Variants in SLC6A11 observed in about 807,000 individuals in gnomAD.
The protein encoded by SLC6A11 is solute carrier family 6 member 11, also known as sodium- and chloride-dependent GABA transporter 3.
Under a neutral mutation model 74.8 loss-of-function variants are expected in SLC6A11, and 25 were observed. The observed-to-expected ratio is 0.33, with a 90% CI of 0.24 to 0.47. The LOEUF (loss-of-function observed/expected upper bound fraction) is 0.47, where lower values mean the gene tolerates loss of function less well. Among genes scored for constraint, SLC6A11 ranks in the 20% least tolerant of loss-of-function variants. SLC6A11 has a pLI of 1.00. For missense variants in SLC6A11, 574 were observed against 837.0 expected (o/e 0.69, Z 3.88); for synonymous variants, 330 against 330.2 (o/e 1.00, Z 0.01).
Position 10,908,157 on chromosome 3 carries a change from T to C in SLC6A11, c.892-3933T>C, listed in dbSNP as rs1267053963. ...TTCAGTCAATCAGTAAAGGCTATTA[T>C]GTGATGGTTGTATGTTCTGATAATC... is the stretch of plus-strand genomic sequence containing the variant. On this transcript the variant is annotated intron_variant, in intron 6 of 13. Transcript: ENST00000254488. Among the ~76,000 whole-genome samples the C allele has an allele frequency of 2.6e-5, 4 of 152,202 alleles. No homozygotes were observed. The East Asian group carries it at 7.7e-4, about 29-fold the overall frequency.
intron 10 of SLC6A11, among the ~76,000 whole-genome samples, chr3:10,930,800 T>A (rs914737822): frequency 6.6e-6 from 1 of 152,120 alleles, no homozygotes; most frequent in African/African-American, 2.4e-5. Flanking sequence ...ACCCAACCTC[T>A]GACTGAGGCC....
At chr3:10,924,566 C>G (rs923374872) in intron 8 of SLC6A11, among the ~76,000 whole-genome samples, 14 of 152,122 alleles carry the variant, frequency 9.2e-5, no homozygotes, top group African/African-American at 3.4e-4. Context: ...AAGCCACAGA[C>G]TGGGAGAAAA....
chr3:10,845,849 G>C (rs989796338), intron 5 of SLC6A11, among the ~76,000 whole-genome samples: 1 of 152,136 alleles, frequency 6.6e-6, no homozygotes, highest in South Asian at 2.1e-4. Flanking sequence ...ATAAAATTGT[G>C]TCATTATTGA....
At chr3:10,889,269 A>T (rs149740589) in intron 6 of SLC6A11, among the ~76,000 whole-genome samples, 3 of 152,080 alleles carry the variant, frequency 2.0e-5, no homozygotes, top group African/African-American at 7.2e-5. Context: ...ATATTGATTT[A>T]TTATTATTAA....
At chr3:10,897,169 C>T (rs544469797) in intron 6 of SLC6A11, among the ~76,000 whole-genome samples, 2 of 152,298 alleles carry the variant, frequency 1.3e-5, no homozygotes, top group African/African-American at 2.4e-5. Flanking sequence ...TCCTATAACA[C>T]GTAGGAATTA....
chr3:10,874,681 C>A (rs991242157), intron 5 of SLC6A11, among the ~76,000 whole-genome samples: 9 of 152,152 alleles, frequency 5.9e-5, no homozygotes, highest in African/African-American at 1.2e-4. Context: ...CCATTTCCCC[C>A]CTCCCAGTTC....
Position 10,940,345 on chromosome 3 carries a change from C to CACACCAACTCTCACGGATG in SLC6A11, c.*1943_*1944insACACCAACTCTCACGGATG, listed in dbSNP as rs1695810123. 2.0e-5 allele frequency: 3 copies of CACACCAACTCTCACGGATG among 152,068 alleles called. No homozygotes were observed. Among genetic ancestry groups the CACACCAACTCTCACGGATG allele is most frequent in the Admixed American group, 2.0e-4 (3 of 15,278 alleles). The allele number at this position is 152,068 out of a possible 1,614,324, so 9.4% of individuals were successfully genotyped here. ...TCCCATTGCTGCTGCTACCGGTTCTCCACAGATCCCTGTGGTCCGCCATCG... is the reference window on the plus strand; with the variant it reads ...TCCCATTGCTGCTGCTACCGGTTCTCACACCAACTCTCACGGATGCACAGATCCCTGTGGTCCGCCATCG... On this transcript the variant is annotated 3_prime_UTR_variant, in exon 14 of 14. Coordinates refer to ENST00000254488, the MANE Select transcript of SLC6A11 (RefSeq NM_014229.3).
In SLC6A11 at chr3:10,929,356, G is replaced by A. The variant is rs1213045085; in HGVS notation, c.1371+17G>A. On this transcript the variant is annotated intron_variant, in intron 10 of 13. Coordinates refer to ENST00000254488, the MANE Select transcript of SLC6A11 (RefSeq NM_014229.3). ...TTAACAGAGGTGAGTGGCATGGTTCGGGCCGCACGGGGTGAAGTGGGTGTG... is the reference window on the plus strand; with the variant it reads ...TTAACAGAGGTGAGTGGCATGGTTCAGGCCGCACGGGGTGAAGTGGGTGTG... 9.9e-6 allele frequency: 16 copies of A among 1,612,524 alleles called. No individual in the cohort carries two copies. The highest frequency in any genetic ancestry group is 3.3e-5 in the Admixed American group (2 of 59,882).
At chr3:10,931,221 C>T (rs1047649779) in intron 10 of SLC6A11, among the ~76,000 whole-genome samples, 2 of 152,164 alleles carry the variant, frequency 1.3e-5, no homozygotes, top group Non-Finnish European at 2.9e-5. Context: ...CTCAGTTTCC[C>T]CATGTGAACA....
intron 5 of SLC6A11, among the ~76,000 whole-genome samples, chr3:10,868,692 T>C (rs1054943133): frequency 3.3e-5 from 5 of 152,224 alleles, no homozygotes; most frequent in African/African-American, 9.6e-5. Context: ...CCAGGCTTGA[T>C]GGTACCTTGT....
intron 13 of SLC6A11, among the ~76,000 whole-genome samples, chr3:10,937,459 C>T (rs911991317): frequency 6.6e-6 from 1 of 152,224 alleles, no homozygotes; most frequent in Non-Finnish European, 1.5e-5. Flanking sequence ...CATGGAACCT[C>T]GATCCTGAGA....
At chr3:10,844,419 C>T in intron 5 of SLC6A11, 73 bp downstream of exon 5, 1 of 1,582,786 alleles carries the variant, frequency 6.3e-7, no homozygotes, top group Non-Finnish European at 8.7e-7. Context: ...TAGAGAGTAA[C>T]AGGGAGTTCA....
chr3:10,872,788 G>C (rs1033563388), intron 5 of SLC6A11, among the ~76,000 whole-genome samples: 10 of 152,204 alleles, frequency 6.6e-5, no homozygotes, highest in African/African-American at 2.2e-4. Context: ...TTGAACAGGA[G>C]CGAGAGGCTA....
intron 6 of SLC6A11, among the ~76,000 whole-genome samples, chr3:10,881,945 G>C (rs948657959): frequency 6.6e-6 from 1 of 152,182 alleles, no homozygotes; most frequent in Non-Finnish European, 1.5e-5. Context: ...GGGACACAGG[G>C]CGTCTGACTG....
At chr3:10,849,123 C>T (rs1694540731) in intron 5 of SLC6A11, among the ~76,000 whole-genome samples, 1 of 152,158 alleles carries the variant, frequency 6.6e-6, no homozygotes. Context: ...GATATTTTCC[C>T]TCACTCTAGA....
Position 10,844,258 on chromosome 3 carries a change from A to T in SLC6A11, c.668A>T (p.Asn223Ile). 6.2e-7 allele frequency: 1 copy of T among 1,614,184 alleles called. No individual in the cohort carries two copies. The highest frequency in any genetic ancestry group is 8.5e-7 in the Non-Finnish European group (1 of 1,180,034). ...AISDGIEHIGNLRWELALCLL... is the reference protein window; with the variant it reads ...AISDGIEHIGILRWELALCLL... ...TCTGACGGGATCGAGCACATCGGGAACCTTCGCTGGGAGCTGGCCTTGTGT... is the reference window on the plus strand; with the variant it reads ...TCTGACGGGATCGAGCACATCGGGATCCTTCGCTGGGAGCTGGCCTTGTGT... The change falls in exon 5 of 14, where the codon AAC becomes ATC. Residue 223 changes from asparagine (N) to isoleucine (I), a missense_variant. Coordinates refer to ENST00000254488, the MANE Select transcript of SLC6A11 (RefSeq NM_014229.3).
intron 4 of SLC6A11, among the ~76,000 whole-genome samples, chr3:10,838,332 G>T (rs1469982153): frequency 6.6e-6 from 1 of 152,214 alleles, no homozygotes; most frequent in Non-Finnish European, 1.5e-5. Context: ...TGGGATTCCA[G>T]CCACTGTCCT....
intron 5 of SLC6A11, among the ~76,000 whole-genome samples, chr3:10,845,960 G>T (rs1188378300): frequency 6.6e-6 from 1 of 152,142 alleles, no homozygotes; most frequent in African/African-American, 2.4e-5. Context: ...CAAACCCCAG[G>T]TCTGTCACTC....
chr3:10,902,682 T>C (rs761946037), intron 6 of SLC6A11, among the ~76,000 whole-genome samples: 1 of 152,234 alleles, frequency 6.6e-6, no homozygotes, highest in Non-Finnish European at 1.5e-5. Context: ...GTTTTTGCCC[T>C]TTTCATTAAG....
Sources: gnomAD v4.1 joint callset for allele counts (sites outside exome capture counted in the v4.1 genomes callset) on GRCh38, gnomAD v4.1.1 for gene constraint, MANE v1.5 for transcripts, NCBI Gene and HGNC (gene_info 2026-07-23, HGNC 2026-07-21) for gene names.